The following PRKN variants were observed in gnomAD, a reference collection of about 807,000 sequenced individuals.
PRKN encodes the protein parkin RBR E3 ubiquitin protein ligase.
A neutral mutation model predicts 59.5 loss-of-function variants in PRKN; 56 were observed. That is an observed-to-expected ratio of 0.94 (90% confidence interval 0.76 to 1.18). The LOEUF is 1.18. Ranked by LOEUF, PRKN falls within the 50% of genes most tolerant of loss-of-function variation. PRKN has a pLI of 0.00. For missense variants in PRKN, 657 were observed against 596.4 expected, an observed-to-expected ratio of 1.10 and a Z score of -1.06; for synonymous variants, 250 against 222.1, an observed-to-expected ratio of 1.13 and a Z score of -1.12.
chr6:162,327,438 C>T (rs1285645464), intron 2 of PRKN, among the ~76,000 whole-genome samples: 1 of 152,108 alleles, frequency 6.6e-6, no homozygotes, highest in Non-Finnish European at 1.5e-5. Context: ...ACTGAAAATT[C>T]ATTTCTTAAA....
chr6:162,724,783 G>A (rs1490185430), intron 1 of PRKN, among the ~76,000 whole-genome samples: 1 of 152,158 alleles, frequency 6.6e-6, no homozygotes. Flanking sequence ...TGAGTTTATA[G>A]ACTCTTGTTC....
At chr6:162,510,377 A>C (rs185924344) in intron 1 of PRKN, among the ~76,000 whole-genome samples, 2 of 152,266 alleles carry the variant, frequency 1.3e-5, no homozygotes, top group East Asian at 3.9e-4. Flanking sequence ...TGATGATGGC[A>C]GGTGCTTTCT....
chr6:161,947,878 C>T (rs1271996513), intron 6 of PRKN, among the ~76,000 whole-genome samples: 1 of 152,142 alleles, frequency 6.6e-6, no homozygotes. Context: ...GAAACCAAAC[C>T]AGAGGCACCT....
chr6:162,539,435 T>A (rs1193241175), intron 1 of PRKN, among the ~76,000 whole-genome samples: 1 of 152,208 alleles, frequency 6.6e-6, no homozygotes, highest in East Asian at 1.9e-4. Flanking sequence ...CAGTTTCAAA[T>A]GTCCTTGTCA....
chr6:162,490,803 G>A (rs1009465959), intron 1 of PRKN, among the ~76,000 whole-genome samples: 4 of 152,184 alleles, frequency 2.6e-5, no homozygotes, highest in African/African-American at 4.8e-5. Flanking sequence ...GCAGCATCCA[G>A]ACCTCAGCAC....
chr6:162,398,412 C>T (rs1007199287), intron 2 of PRKN, among the ~76,000 whole-genome samples: 1 of 149,230 alleles, frequency 6.7e-6, no homozygotes, highest in African/African-American at 2.5e-5. Context: ...TTTTTTGAGA[C>T]AGAGTTTTGC....
intron 2 of PRKN, among the ~76,000 whole-genome samples, chr6:162,324,900 G>A (rs1009178319): frequency 1.1e-4 from 16 of 150,460 alleles, no homozygotes; most frequent in Non-Finnish European, 1.8e-4. Context: ...TAGTGAGTAT[G>A]ACTAATTCAA....
chr6:161,644,480 C>T (rs918760540), intron 7 of PRKN, among the ~76,000 whole-genome samples: 10 of 152,296 alleles, frequency 6.6e-5, no homozygotes, highest in African/African-American at 1.9e-4. Flanking sequence ...GTGGTAGACA[C>T]GTGGATTTCG....
chr6:162,568,489 G>C (rs1029466752), intron 1 of PRKN: 7 of 667,274 alleles, frequency 1.0e-5, no homozygotes, highest in Non-Finnish European at 1.9e-5. Context: ...GGCATGGGAG[G>C]CATCACCGCC....
intron 6 of PRKN, among the ~76,000 whole-genome samples, chr6:161,971,849 C>T (rs1351471876): frequency 6.6e-6 from 1 of 152,160 alleles, no homozygotes; most frequent in African/African-American, 2.4e-5. Flanking sequence ...AAAAGACCAT[C>T]TAATACAGTT....
chr6:162,386,135 A>C (rs1338428241), intron 2 of PRKN, among the ~76,000 whole-genome samples: 1 of 152,144 alleles, frequency 6.6e-6, no homozygotes, highest in Admixed American at 6.5e-5. Context: ...GCTGACTTAA[A>C]TTACACTGCA....
At chr6:161,760,146 T>C (rs188186050) in intron 7 of PRKN, among the ~76,000 whole-genome samples, 150 of 148,836 alleles carry the variant, frequency 1.0e-3, no homozygotes, top group Non-Finnish European at 1.7e-3. Flanking sequence ...GTCCACTTTA[T>C]GAATACCCTT....
chr6:161,733,702 A>C (rs192224600), intron 7 of PRKN, among the ~76,000 whole-genome samples: 41 of 150,938 alleles, frequency 2.7e-4, no homozygotes, highest in African/African-American at 8.8e-4. Context: ...TCTTTCCAAA[A>C]ATAGTGACTT....
At chr6:162,677,486 A>T (rs867180891) in intron 1 of PRKN, among the ~76,000 whole-genome samples, 1 of 145,080 alleles carries the variant, frequency 6.9e-6, no homozygotes, top group Non-Finnish European at 1.5e-5. Context: ...AAAAAAAAAA[A>T]AACACTCTTT....
At chr6:161,890,556 A>G (rs1378327168) in intron 6 of PRKN, among the ~76,000 whole-genome samples, 1 of 152,200 alleles carries the variant, frequency 6.6e-6, no homozygotes, top group African/African-American at 2.4e-5. Context: ...GCCGGATTTA[A>G]GCCTTGGGGG....
intron 1 of PRKN, among the ~76,000 whole-genome samples, chr6:162,514,861 C>T (rs114079391): frequency 0.011 from 1,665 of 152,164 alleles, 38 homozygotes; most frequent in African/African-American, 0.038. Flanking sequence ...TATAATTTTT[C>T]TTTAATTAAA....
intron 1 of PRKN, among the ~76,000 whole-genome samples, chr6:162,460,843 T>G (rs2128174023): frequency 6.6e-6 from 1 of 152,292 alleles, no homozygotes; most frequent in African/African-American, 2.4e-5. Flanking sequence ...TAGAAGTGCT[T>G]TAAGAACCTG....
At chr6:162,159,500 T>A (rs1293166679) in intron 4 of PRKN, among the ~76,000 whole-genome samples, 1 of 152,198 alleles carries the variant, frequency 6.6e-6, no homozygotes, top group East Asian at 1.9e-4. Flanking sequence ...TACAAGTATC[T>A]GAAAATTCAA....
chr6:162,607,337 T>C (rs1463503056), intron 1 of PRKN, among the ~76,000 whole-genome samples: 3 of 152,152 alleles, frequency 2.0e-5, no homozygotes, highest in Non-Finnish European at 2.9e-5. Flanking sequence ...AGAAGGATGA[T>C]GCTGGTGCTG....
Sources: gnomAD v4.1 joint callset for allele counts (sites outside exome capture counted in the v4.1 genomes callset) on GRCh38, gnomAD v4.1.1 for gene constraint, MANE v1.5 for transcripts, NCBI Gene and HGNC (gene_info 2026-07-23, HGNC 2026-07-21) for gene names.